The following HDAC4 variants were observed in gnomAD, a reference collection of about 807,000 sequenced individuals.
HDAC4 encodes the protein histone deacetylase A.
A neutral mutation model predicts 135.1 loss-of-function variants in HDAC4; 16 were observed. The observed-to-expected ratio is 0.12, with a 90% CI of 0.08 to 0.18. The LOEUF is 0.18. Ranked by LOEUF, HDAC4 falls within the 10% of genes least tolerant of loss-of-function variation. HDAC4 has a pLI of 1.00. For missense variants in HDAC4, 1,143 were observed against 1,511.8 expected (o/e 0.76, Z 4.05); for synonymous variants, 685 against 653.4 (o/e 1.05, Z -0.74).
At chr2:239,284,861 G>C (rs1238364204) in intron 2 of HDAC4, among the ~76,000 whole-genome samples, 1 of 152,182 alleles carries the variant, frequency 6.6e-6, no homozygotes, top group South Asian at 2.1e-4. Context: ...ACCCAGGATC[G>C]GGAAACTTTT....
At chr2:239,182,668 C>T (rs2044227631) in intron 4 of HDAC4, among the ~76,000 whole-genome samples, 1 of 152,146 alleles carries the variant, frequency 6.6e-6, no homozygotes, top group Non-Finnish European at 1.5e-5. Flanking sequence ...GCAAAGCCTG[C>T]AAAGTGAAAG....
intron 3 of HDAC4, among the ~76,000 whole-genome samples, chr2:239,224,262 C>T (rs1475685900): frequency 1.3e-5 from 2 of 152,238 alleles, no homozygotes; most frequent in Non-Finnish European, 2.9e-5. Flanking sequence ...TCCCACTCCA[C>T]CTACCCGGAC....
intron 3 of HDAC4, among the ~76,000 whole-genome samples, chr2:239,235,777 C>T (rs936017970): frequency 3.9e-5 from 6 of 152,210 alleles, no homozygotes; most frequent in African/African-American, 1.2e-4. Context: ...CGGTGGCTCA[C>T]GCCTGTAATT....
intron 2 of HDAC4, among the ~76,000 whole-genome samples, chr2:239,283,995 G>A (rs879523187): frequency 1.2e-4 from 19 of 152,202 alleles, no homozygotes; most frequent in Non-Finnish European, 2.8e-4. Context: ...AGGCGCCAAG[G>A]GCGTCGGCGC....
intron 2 of HDAC4, among the ~76,000 whole-genome samples, chr2:239,347,853 C>A (rs1692824586): frequency 6.6e-6 from 1 of 152,212 alleles, no homozygotes; most frequent in Non-Finnish European, 1.5e-5. Context: ...CCGTACCTCG[C>A]ACCAAGATTC....
intron 12 of HDAC4, among the ~76,000 whole-genome samples, chr2:239,123,343 T>C (rs1344440704): frequency 6.6e-6 from 1 of 152,194 alleles, no homozygotes; most frequent in African/African-American, 2.4e-5. Flanking sequence ...CCCCATCCAT[T>C]TCTGATGCGT....
In HDAC4 at chr2:239,224,580, G is replaced by A. The variant is rs117502123; in HGVS notation, c.94+12013C>T. Among the ~76,000 whole-genome samples the A allele has an allele frequency of 6.2e-3, 942 of 152,196 alleles. 21 individuals are homozygous for A. The East Asian group carries it at 0.086, about 14-fold the overall frequency. Reference sequence around the variant, plus strand: ...GTAAAATCGCAGCCCCTCCACTCCCGAGCCCTGCTCTGCCTTCCCTGCTCT... The same window carrying A: ...GTAAAATCGCAGCCCCTCCACTCCCAAGCCCTGCTCTGCCTTCCCTGCTCT... On this transcript the variant is annotated intron_variant, in intron 3 of 26. Transcript: ENST00000543185.
chr2:239,356,723 T>C (rs1171948325), intron 1 of HDAC4, among the ~76,000 whole-genome samples: 2 of 152,170 alleles, frequency 1.3e-5, no homozygotes, highest in African/African-American at 4.8e-5. Context: ...TCCTAAACAT[T>C]TATGCACCTG....
chr2:239,290,026 C>G (rs2051369462), intron 2 of HDAC4, among the ~76,000 whole-genome samples: 1 of 152,116 alleles, frequency 6.6e-6, no homozygotes. Flanking sequence ...CAGAAAAGAT[C>G]TTATTTTCTA....
intron 2 of HDAC4, among the ~76,000 whole-genome samples, chr2:239,247,064 G>A (rs766109796): frequency 2.0e-5 from 3 of 152,252 alleles, no homozygotes; most frequent in Admixed American, 6.5e-5. Flanking sequence ...TAGTTTTCTG[G>A]ATAGGTTCCC....
chr2:239,246,156 C>A (rs2048445600), intron 2 of HDAC4, among the ~76,000 whole-genome samples: 1 of 152,200 alleles, frequency 6.6e-6, no homozygotes, highest in Non-Finnish European at 1.5e-5. Context: ...ACAAAACGTG[C>A]AAACTGAGCC....
intron 4 of HDAC4, among the ~76,000 whole-genome samples, chr2:239,178,487 A>G (rs892394625): frequency 1.3e-5 from 2 of 152,168 alleles, no homozygotes; most frequent in Non-Finnish European, 2.9e-5. Context: ...GGCTCAAGCC[A>G]TTCTCCCACC....
chr2:239,065,709 A>G (rs560415854), intron 24 of HDAC4, among the ~76,000 whole-genome samples: 2 of 152,286 alleles, frequency 1.3e-5, no homozygotes, highest in Middle Eastern at 3.4e-3. Flanking sequence ...CTGGAGCCTC[A>G]GGCACTGCCC....
rs2049419318 is a variant in HDAC4, at chr2:239,262,302, T to G, written c.23-25638A>C. On this transcript the variant is annotated intron_variant, in intron 2 of 26. Coordinates refer to ENST00000543185, the MANE Select transcript of HDAC4 (RefSeq NM_001378414.1). The surrounding 1 kb of genome is among the most constrained non-coding windows in gnomAD (Gnocchi z 4.1). The stretch of plus-strand genomic sequence containing the variant: ...TGGGATTACAGAAACCTTGGCTTAG[T>G]ATCAGAGACCACAATAACACACTTT... 6.6e-6 allele frequency among the ~76,000 whole-genome samples: 1 copy of G among 152,208 alleles called. No homozygotes were observed. Among genetic ancestry groups the G allele is most frequent in the Admixed American group, 6.5e-5 (1 of 15,274 alleles).
intron 5 of HDAC4, among the ~76,000 whole-genome samples, chr2:239,171,043 G>A (rs1448430): frequency 0.89 from 135,964 of 152,162 alleles, 61,028 homozygotes; most frequent in African/African-American, 0.97. Context: ...CTGGTCAACT[G>A]CAAGAAGGAA....
intron 24 of HDAC4, among the ~76,000 whole-genome samples, chr2:239,055,591 C>T (rs902760979): frequency 2.6e-5 from 4 of 152,088 alleles, no homozygotes; most frequent in African/African-American, 9.6e-5. Context: ...GCGGTGGGCA[C>T]CTGTAGTCCC....
intron 3 of HDAC4, among the ~76,000 whole-genome samples, chr2:239,209,848 C>A (rs2046264945): frequency 6.6e-6 from 1 of 152,144 alleles, no homozygotes; most frequent in Non-Finnish European, 1.5e-5. Flanking sequence ...ATGGGTTGGT[C>A]ACAGAAGACC....
chr2:239,363,181 T>C (rs545414063), intron 1 of HDAC4, among the ~76,000 whole-genome samples: 3 of 152,336 alleles, frequency 2.0e-5, no homozygotes, highest in South Asian at 4.1e-4. Flanking sequence ...GAATATACCA[T>C]GTGCATGGAC....
intron 2 of HDAC4, among the ~76,000 whole-genome samples, chr2:239,248,383 G>C (rs60560698): frequency 6.6e-6 from 1 of 151,864 alleles, no homozygotes; most frequent in Non-Finnish European, 1.5e-5. Flanking sequence ...GGGTTTCACC[G>C]TGTTAGCCAG....
Sources: allele counts gnomAD v4.1 joint callset (sites outside exome capture counted in the v4.1 genomes callset), GRCh38; gene constraint gnomAD v4.1.1; non-coding constraint Gnocchi (gnomAD v3.1); transcripts MANE v1.5; gene names NCBI Gene and HGNC (gene_info 2026-07-23, HGNC 2026-07-21).